PRKG1: variants seen among roughly 807,000 people sequenced by gnomAD.
The protein encoded by PRKG1 is cGMP-dependent protein kinase 1.
In PRKG1, 35 loss-of-function variants were observed where a neutral mutation model predicts 88.1. That is an observed-to-expected ratio of 0.40 (90% CI 0.30 to 0.53). The LOEUF (loss-of-function observed/expected upper bound fraction) is 0.53. Among genes scored for constraint, PRKG1 ranks in the 20% least tolerant of loss-of-function variants. The probability of loss-of-function intolerance (pLI) is 0.59; values close to 1 mark genes in which losing one functional copy is unlikely to be tolerated. For missense variants in PRKG1, 540 were observed against 839.8 expected (o/e 0.64, Z 4.41); for synonymous variants, 303 against 292.5 (o/e 1.04, Z -0.37).
rs564338236 is a variant in PRKG1 at position 51,562,795 on chromosome 10, G to A, written c.592+94959G>A. ...ATTTATTTATTTATTTAGAGACAGA[G>A]TCTCATTCTGTCACCCAGGCTGGAG... On this transcript the variant is annotated intron_variant, in intron 3 of 17. Coordinates refer to ENST00000373980, the MANE Select transcript of PRKG1 (RefSeq NM_006258.4). Among the ~76,000 whole-genome samples the A allele has an allele frequency of 2.6e-5, 4 of 152,096 alleles. No individual in the cohort carries two copies. The East Asian group carries it at 7.7e-4, about 29-fold the overall frequency.
At position 51,463,569 on chromosome 10, in the gene PRKG1, G is replaced by A. The variant is rs553750690; in HGVS notation, c.479-4154G>A. On this transcript the variant is annotated intron_variant, in intron 2 of 17. Coordinates refer to ENST00000373980, the MANE Select transcript of PRKG1 (RefSeq NM_006258.4). ...TCATGACTACCTTAATACTTTAAAG[G>A]AAGAAAGGAAGTTGATTAGGTGAGA... Among the ~76,000 whole-genome samples, 12 of 152,334 alleles carry A rather than the reference G, an allele frequency of 7.9e-5. No homozygotes were observed. The South Asian group carries it at 2.5e-3, about 32-fold the overall frequency.
intron 1 of PRKG1, among the ~76,000 whole-genome samples, chr10:51,136,980 G>T (rs1471673882): frequency 6.6e-6 from 1 of 151,954 alleles, no homozygotes; most frequent in East Asian, 1.9e-4. Context: ...TGCCTCCTGG[G>T]TTCATGCCAT....
chr10:51,595,538 G>A (rs1838422352), intron 3 of PRKG1, among the ~76,000 whole-genome samples: 1 of 149,418 alleles, frequency 6.7e-6, no homozygotes, highest in Admixed American at 6.6e-5. Context: ...GCTGAGGCAG[G>A]AGAATCGCTT....
intron 1 of PRKG1, among the ~76,000 whole-genome samples, chr10:51,142,840 C>A (rs74391877): frequency 0.029 from 4,418 of 152,132 alleles, 87 homozygotes; most frequent in Middle Eastern, 0.055. Flanking sequence ...GCATAACATT[C>A]TTCTAAAATT....
Position 51,862,217 on chromosome 10 carries a change from G to T in PRKG1, c.699-45290G>T, listed in dbSNP as rs118065179. Among the ~76,000 whole-genome samples, 152 of 152,304 alleles carry T rather than the reference G, an allele frequency of 1.0e-3. 2 individuals are homozygous for T. The East Asian group carries it at 0.021, about 21-fold the overall frequency. The stretch of plus-strand genomic sequence containing the variant: ...ATGTTACAGCTCATTTGTTCCCACT[G>T]CCCATAGCATGGCAAACAGGTGCAT... On this transcript the variant is annotated intron_variant, in intron 4 of 17. Transcript: ENST00000373980.
intron 2 of PRKG1, among the ~76,000 whole-genome samples, chr10:51,352,842 A>G (rs1309823602): frequency 6.6e-6 from 1 of 152,194 alleles, no homozygotes; most frequent in Non-Finnish European, 1.5e-5. Context: ...GAGGAATCAT[A>G]TTACCTGACT....
intron 2 of PRKG1, among the ~76,000 whole-genome samples, chr10:51,292,614 C>G (rs1307884287): frequency 1.3e-5 from 2 of 152,082 alleles, no homozygotes; most frequent in African/African-American, 4.8e-5. Context: ...GCCAATAGCT[C>G]AAAATGCTAT....
At chr10:51,536,392 T>A (rs971119283) in intron 3 of PRKG1, among the ~76,000 whole-genome samples, 4 of 152,218 alleles carry the variant, frequency 2.6e-5, no homozygotes, top group Admixed American at 2.6e-4. Context: ...ATGGGTTGTT[T>A]TTTGCTTGCT....
At chr10:51,444,269 A>G (rs1041858872) in intron 2 of PRKG1, among the ~76,000 whole-genome samples, 6 of 151,612 alleles carry the variant, frequency 4.0e-5, no homozygotes, top group African/African-American at 1.5e-4. Flanking sequence ...CCAACAGAGA[A>G]TTGCACCTCA....
intron 2 of PRKG1, among the ~76,000 whole-genome samples, chr10:51,389,230 T>A (rs1837333785): frequency 6.6e-6 from 1 of 152,238 alleles, no homozygotes; most frequent in African/African-American, 2.4e-5. Context: ...TCATAACTTT[T>A]ACAGCTTTGC....
At chr10:51,630,029 A>G (rs934133530) in intron 3 of PRKG1, among the ~76,000 whole-genome samples, 10 of 152,194 alleles carry the variant, frequency 6.6e-5, no homozygotes, top group Non-Finnish European at 1.2e-4. Flanking sequence ...GAAGTGACAG[A>G]TTGAGTTAGT....
At chr10:51,310,669 A>G (rs1396475169) in intron 2 of PRKG1, among the ~76,000 whole-genome samples, 1 of 151,954 alleles carries the variant, frequency 6.6e-6, no homozygotes, top group East Asian at 1.9e-4. Flanking sequence ...TATTTTCTGT[A>G]TACTTTTTTT....
intron 2 of PRKG1, among the ~76,000 whole-genome samples, chr10:51,418,924 G>A (rs1838325166): frequency 6.6e-6 from 1 of 152,182 alleles, no homozygotes. Flanking sequence ...TAGGATTGCA[G>A]ATACACATAG....
At chr10:51,795,781 G>A (rs948627809) in intron 3 of PRKG1, among the ~76,000 whole-genome samples, 1 of 152,046 alleles carries the variant, frequency 6.6e-6, no homozygotes, top group African/African-American at 2.4e-5. Context: ...ACATGAAGTA[G>A]GAGAAAAAGC....
chr10:52,272,359 T>C, intron 11 of PRKG1, 33 bp from the exon 12 acceptor site: 1 of 1,497,854 alleles, frequency 6.7e-7, no homozygotes, highest in Non-Finnish European at 9.2e-7. Flanking sequence ...CAGTAATGTT[T>C]ATAATCTTTG....
chr10:52,171,040 A>C (rs1358833572), intron 9 of PRKG1, among the ~76,000 whole-genome samples: 1 of 150,604 alleles, frequency 6.6e-6, no homozygotes, highest in African/African-American at 2.4e-5. Flanking sequence ...TCTAGCAAAC[A>C]GGAAGTTTCT....
chr10:51,373,594 C>T (rs868532642), intron 2 of PRKG1, among the ~76,000 whole-genome samples: 1 of 152,086 alleles, frequency 6.6e-6, no homozygotes, highest in Non-Finnish European at 1.5e-5. Context: ...CTCCGCCACC[C>T]CCTACCCTCC....
At chr10:52,032,281 A>G (rs957044598) in intron 5 of PRKG1, among the ~76,000 whole-genome samples, 1 of 152,234 alleles carries the variant, frequency 6.6e-6, no homozygotes, top group Non-Finnish European at 1.5e-5. Context: ...TTAGTAGAAA[A>G]TCAAACTGTG....
At position 51,731,903 on chromosome 10, in the gene PRKG1, A is replaced by G. The variant is rs191838697; in HGVS notation, c.593-72682A>G. Among the ~76,000 whole-genome samples, 671 of 152,312 alleles carry G rather than the reference A, an allele frequency of 4.4e-3. 2 individuals are homozygous for G. The highest frequency in any genetic ancestry group is 0.016 in the African/African-American group (650 of 41,576). ...TCTGAGGCCTCCCTCCTTGGCTTGC[A>G]GATGGCTGCCCTTCTTGCTGTGTCC... is the stretch of plus-strand genomic sequence containing the variant. On this transcript the variant is annotated intron_variant, in intron 3 of 17. Coordinates refer to ENST00000373980, the MANE Select transcript of PRKG1 (RefSeq NM_006258.4).
Sources: gnomAD v4.1 joint callset for allele counts (sites outside exome capture counted in the v4.1 genomes callset) on GRCh38, gnomAD v4.1.1 for gene constraint, MANE v1.5 for transcripts, NCBI Gene and HGNC (gene_info 2026-07-23, HGNC 2026-07-21) for gene names.